The following EPHB2 variants were observed in gnomAD, a reference collection of about 807,000 sequenced individuals.
EPHB2 encodes EPH receptor B2, also known as ephrin type-B receptor 2.
Under a neutral mutation model 96.4 loss-of-function variants are expected in EPHB2, and 18 were observed. The ratio of observed to expected loss-of-function variants is 0.19; its 90% CI spans 0.13 to 0.28. The LOEUF is 0.28. EPHB2 is among the 10% of genes least tolerant of loss of function. The pLI is 1.00. For synonymous variants in EPHB2, 506 were observed against 534.1 expected, an observed-to-expected ratio of 0.95 and a Z score of 0.72; for missense variants, 989 against 1,355.4, an observed-to-expected ratio of 0.73 and a Z score of 4.25.
intron 3 of EPHB2, among the ~76,000 whole-genome samples, chr1:22,814,656 A>G (rs934000735): frequency 1.3e-5 from 2 of 152,206 alleles, no homozygotes; most frequent in African/African-American, 4.8e-5. Flanking sequence ...TCACACAGCC[A>G]CAAAGCCAAC....
rs892395699 is a variant in EPHB2, at chr1:22,716,141, C to T, written c.61+5098C>T. On this transcript the variant is annotated intron_variant, in intron 1 of 15. Coordinates refer to ENST00000374630, the MANE Select transcript of EPHB2 (RefSeq NM_017449.5). ...TCCATCCCTGCCTCTTTCTCCAGAG[C>T]CCCATCAGGGGAAAATACTCAGATT... Among the ~76,000 whole-genome samples the T allele has an allele frequency of 2.0e-5, 3 of 152,316 alleles. No individual in the cohort carries two copies. In the South Asian group the frequency reaches 6.2e-4, roughly 32 times the overall value.
At chr1:22,907,378 G>T (rs1639951781) in intron 11 of EPHB2, among the ~76,000 whole-genome samples, 1 of 152,216 alleles carries the variant, frequency 6.6e-6, no homozygotes, top group Non-Finnish European at 1.5e-5. Context: ...TCTCATCCAG[G>T]TTTTCACCAG....
At chr1:22,816,290 T>C (rs540059149) in intron 3 of EPHB2, among the ~76,000 whole-genome samples, 34 of 152,128 alleles carry the variant, frequency 2.2e-4, no homozygotes, top group Non-Finnish European at 2.8e-4. Context: ...GCTGTGTCTG[T>C]CACTGGGGAG....
chr1:22,815,737 G>A (rs554942347), intron 3 of EPHB2, among the ~76,000 whole-genome samples: 1 of 152,356 alleles, frequency 6.6e-6, no homozygotes, highest in East Asian at 1.9e-4. Flanking sequence ...TATTTGCAAG[G>A]GCTGTTGTTC....
intron 3 of EPHB2, among the ~76,000 whole-genome samples, chr1:22,808,354 C>G (rs146906136): frequency 0.011 from 1,603 of 152,284 alleles, 28 homozygotes; most frequent in African/African-American, 0.037. Flanking sequence ...TGGCACAGAG[C>G]AAGGGTTGGG....
chr1:22,851,429 A>C (rs1241183363), intron 3 of EPHB2, among the ~76,000 whole-genome samples: 1 of 152,188 alleles, frequency 6.6e-6, no homozygotes. Context: ...GACATGGGAG[A>C]GCAAGGGAGA....
chr1:22,909,257 C>T, intron 13 of EPHB2, 86 bp downstream of exon 13: 1 of 1,601,722 alleles, frequency 6.2e-7, no homozygotes, highest in Non-Finnish European at 8.5e-7. Flanking sequence ...GTGCCAGTCT[C>T]CCAGAGTGTG....
At chr1:22,722,892 GT>G (rs891824429) in intron 1 of EPHB2, among the ~76,000 whole-genome samples, 31 of 152,194 alleles carry the variant, frequency 2.0e-4, no homozygotes, top group African/African-American at 7.0e-4. Flanking sequence ...GAAGAGCCAG[GT>G]GAAGAAGCAG....
intron 1 of EPHB2, among the ~76,000 whole-genome samples, chr1:22,778,998 G>T (rs1414570538): frequency 6.6e-6 from 1 of 152,064 alleles, no homozygotes; most frequent in African/African-American, 2.4e-5. Context: ...TGGCAGCCTT[G>T]CCTCCCCTGC....
chr1:22,898,123 A>AAC (rs1457705333), intron 9 of EPHB2, among the ~76,000 whole-genome samples: 119 of 151,794 alleles, frequency 7.8e-4, no homozygotes, highest in African/African-American at 2.8e-3. Context: ...AGTCTCAAAA[A>AAC]AAAAAAAAAA....
intron 3 of EPHB2, among the ~76,000 whole-genome samples, chr1:22,839,842 G>A (rs750310009): frequency 4.6e-5 from 7 of 152,078 alleles, no homozygotes; most frequent in Non-Finnish European, 8.8e-5. Context: ...TTGAGCTGAA[G>A]CCCAGTGAAC....
At chr1:22,807,412 C>T (rs931750995) in intron 3 of EPHB2, among the ~76,000 whole-genome samples, 2 of 152,224 alleles carry the variant, frequency 1.3e-5, no homozygotes, top group African/African-American at 4.8e-5. Context: ...GGCTTGGTGA[C>T]TTGGTCAGGC....
intron 11 of EPHB2, 24 bp from the exon 12 acceptor site, chr1:22,907,929 G>A (rs768675034): frequency 1.9e-6 from 3 of 1,613,316 alleles, no homozygotes; most frequent in Non-Finnish European, 1.7e-6. Context: ...TGTTTACTCT[G>A]TGTTTTCCCC....
At position 22,915,665 on chromosome 1, in the gene EPHB2, T is replaced by C. The variant is rs1640246909; in HGVS notation, c.*2095T>C. The stretch of plus-strand genomic sequence containing the variant: ...CTGAGTGTCAGGTGAGCTGTCATAG[T>C]GGGAACGTGAGGGTCTTAGAGTGCT... On this transcript the variant is annotated 3_prime_UTR_variant, in exon 16 of 16. Transcript: ENST00000374630. 1 of 152,192 alleles carries C rather than the reference T, an allele frequency of 6.6e-6. No individual in the cohort carries two copies. 9.4% of individuals were successfully genotyped at this position (152,192 alleles called of 1,614,324 possible). A position where few individuals can be genotyped will look rare whatever the true frequency, so the allele number is the denominator to read the frequency against.
At chr1:22,882,309 C>T (rs1639074063) in intron 5 of EPHB2, 50 bp from the exon 6 acceptor site, 3 of 1,608,624 alleles carry the variant, frequency 1.9e-6, no homozygotes, top group Non-Finnish European at 1.7e-6. Flanking sequence ...GGGCCAGAAG[C>T]TGCACCTTCT....
intron 1 of EPHB2, among the ~76,000 whole-genome samples, chr1:22,711,875 CA>C (rs770868182): frequency 2.6e-4 from 39 of 152,214 alleles, no homozygotes; most frequent in Admixed American, 5.2e-4. Flanking sequence ...ACTCGACCCC[CA>C]GGGGGGCAAG....
At chr1:22,840,031 G>A (rs936395500) in intron 3 of EPHB2, among the ~76,000 whole-genome samples, 2 of 152,182 alleles carry the variant, frequency 1.3e-5, no homozygotes, top group Non-Finnish European at 2.9e-5. Flanking sequence ...GTGCCTGGCT[G>A]CTTCATTGTA....
intron 1 of EPHB2, among the ~76,000 whole-genome samples, chr1:22,773,602 A>C (rs976742777): frequency 6.6e-6 from 1 of 152,096 alleles, no homozygotes; most frequent in African/African-American, 2.4e-5. Flanking sequence ...ATTCTAGCCT[A>C]ATTTCCTCTG....
chr1:22,711,280 G>A (rs1490018403), intron 1 of EPHB2, among the ~76,000 whole-genome samples: 2 of 147,616 alleles, frequency 1.4e-5, no homozygotes, highest in African/African-American at 4.9e-5. Flanking sequence ...CCATCTTGCC[G>A]AGGCTTTGTA....
Sources: gnomAD v4.1 joint callset for allele counts (sites outside exome capture counted in the v4.1 genomes callset) on GRCh38, gnomAD v4.1.1 for gene constraint, MANE v1.5 for transcripts, NCBI Gene and HGNC (gene_info 2026-07-23, HGNC 2026-07-21) for gene names.